Variants in EEFSEC observed in about 807,000 individuals in gnomAD.
EEFSEC encodes the protein eukaryotic elongation factor, selenocysteine-tRNA specific, also known as selenocysteine-specific elongation factor.
Under a neutral mutation model 42.1 loss-of-function variants are expected in EEFSEC, and 43 were observed. The ratio of observed to expected loss-of-function variants is 1.02; its 90% confidence interval spans 0.80 to 1.32. EEFSEC has a LOEUF of 1.32. Ranked by LOEUF, EEFSEC falls within the 40% of genes most tolerant of loss-of-function variation. EEFSEC has a pLI of 0.00. For missense variants in EEFSEC, 745 were observed against 803.6 expected, an observed-to-expected ratio of 0.93 and a Z score of 0.88; for synonymous variants, 354 against 339.1, an observed-to-expected ratio of 1.04 and a Z score of -0.48.
At chr3:128,290,887 G>A (rs2066636855) in intron 4 of EEFSEC, among the ~76,000 whole-genome samples, 1 of 151,932 alleles carries the variant, frequency 6.6e-6, no homozygotes, top group Admixed American at 6.6e-5. Flanking sequence ...CGGGATTACA[G>A]GTGCCCACCA....
chr3:128,250,591 G>A (rs1351440301), intron 2 of EEFSEC, among the ~76,000 whole-genome samples: 1 of 152,072 alleles, frequency 6.6e-6, no homozygotes, highest in Non-Finnish European at 1.5e-5. Flanking sequence ...CTATTCCATT[G>A]GTCTATATGT....
chr3:128,341,256 G>A lies in EEFSEC; in HGVS notation c.810G>A (p.Met270Ile), dbSNP rs767318840. Residue 270 changes from methionine (M) to isoleucine (I), a missense_variant, in exon 5 of 7, where the codon ATG becomes ATA. Physicochemically the swap from Met to Ile is conservative, Grantham distance 10 (BLOSUM62 1). Coordinates refer to ENST00000254730, the MANE Select transcript of EEFSEC (RefSeq NM_021937.5). ...ALKVVKKVKS[M>I]QMFHMPITSA... ...AGGTGGTGAAGAAGGTGAAGTCCATGCAGATGTTCCACATGCCCATCACTT... is the reference window on the plus strand; with the variant it reads ...AGGTGGTGAAGAAGGTGAAGTCCATACAGATGTTCCACATGCCCATCACTT... 21 of 1,611,976 alleles carry A rather than the reference G, an allele frequency of 1.3e-5. No homozygotes were observed. The highest frequency in any genetic ancestry group is 1.8e-5 in the Non-Finnish European group (21 of 1,178,924).
chr3:128,279,795 C>T (rs1371959134), intron 4 of EEFSEC, among the ~76,000 whole-genome samples: 1 of 152,256 alleles, frequency 6.6e-6, no homozygotes, highest in East Asian at 1.9e-4. Context: ...CCCTGACTGG[C>T]TTCCTGGGGG....
At chr3:128,274,590 G>A (rs2066447461) in intron 4 of EEFSEC, among the ~76,000 whole-genome samples, 1 of 152,234 alleles carries the variant, frequency 6.6e-6, no homozygotes, top group Non-Finnish European at 1.5e-5. Flanking sequence ...CACTCCCAGG[G>A]CAGCTGTAGC....
At chr3:128,354,164 C>T (rs965022537) in intron 5 of EEFSEC, among the ~76,000 whole-genome samples, 2 of 152,274 alleles carry the variant, frequency 1.3e-5, no homozygotes, top group African/African-American at 4.8e-5. Context: ...GGTTCCTGAA[C>T]GTGTGCAGAC....
chr3:128,330,550 C>T (rs2067115750), intron 4 of EEFSEC, among the ~76,000 whole-genome samples: 1 of 152,060 alleles, frequency 6.6e-6, no homozygotes. Context: ...GTCGGGGGAC[C>T]CCTGAGGTCT....
chr3:128,227,695 G>A (rs2065922017), intron 1 of EEFSEC, among the ~76,000 whole-genome samples: 1 of 152,210 alleles, frequency 6.6e-6, no homozygotes, highest in Non-Finnish European at 1.5e-5. Context: ...GGGTCCGGGG[G>A]TGAATTGAGC....
chr3:128,399,362 A>C (rs983000605), intron 6 of EEFSEC, among the ~76,000 whole-genome samples: 1 of 152,162 alleles, frequency 6.6e-6, no homozygotes, highest in African/African-American at 2.4e-5. Flanking sequence ...CGCCCAATCA[A>C]AGGGGTGCAT....
chr3:128,247,234 C>A (rs987585257), intron 2 of EEFSEC, among the ~76,000 whole-genome samples, 191 bp downstream of exon 2: 1 of 152,106 alleles, frequency 6.6e-6, no homozygotes, highest in African/African-American at 2.4e-5. Context: ...TTAAAAGAGG[C>A]CAAAAACCAC....
chr3:128,179,374 G>T (rs2065382179), intron 1 of EEFSEC, among the ~76,000 whole-genome samples: 1 of 152,228 alleles, frequency 6.6e-6, no homozygotes, highest in Non-Finnish European at 1.5e-5. Context: ...CCTTAGGTCA[G>T]TTCAGCTAGA....
At chr3:128,414,857 C>G in the EEFSEC span, among the ~76,000 whole-genome samples, 2 of 152,170 alleles carry the variant, frequency 1.3e-5, no homozygotes, top group African/African-American at 4.8e-5. Context: ...GAATGGGGTG[C>G]GAGTGGGGCC....
At position 128,350,987 on chromosome 3, in the gene EEFSEC, C is replaced by T. The variant is rs1446035929; in HGVS notation, c.1444-7230C>T. Reference sequence around the variant, plus strand: ...TCAATCCTGGTGGCTTTCAAGTGGCCTAGAAGAGTTAACACCGCATTTTTA... The same window carrying T: ...TCAATCCTGGTGGCTTTCAAGTGGCTTAGAAGAGTTAACACCGCATTTTTA... On this transcript the variant is annotated intron_variant, in intron 5 of 6. Coordinates refer to ENST00000254730, the MANE Select transcript of EEFSEC (RefSeq NM_021937.5). Among the ~76,000 whole-genome samples the T allele has an allele frequency of 2.0e-5, 3 of 152,176 alleles. No homozygotes were observed. The East Asian group carries it at 5.8e-4, about 29-fold the overall frequency.
intron 2 of EEFSEC, among the ~76,000 whole-genome samples, chr3:128,259,611 C>T (rs893441600): frequency 1.6e-4 from 24 of 152,158 alleles, no homozygotes. Flanking sequence ...ATTTTCATTA[C>T]CCCAACAGGA....
chr3:128,373,640 A>C (rs533393896), intron 6 of EEFSEC, among the ~76,000 whole-genome samples: 1 of 152,312 alleles, frequency 6.6e-6, no homozygotes, highest in Admixed American at 6.5e-5. Context: ...CACCACGTGC[A>C]TGTCCAGGGA....
chr3:128,157,745 C>T (rs1260935359), intron 1 of EEFSEC, among the ~76,000 whole-genome samples: 1 of 152,182 alleles, frequency 6.6e-6, no homozygotes, highest in Non-Finnish European at 1.5e-5. Context: ...TGATAATGCA[C>T]CTGGTCACCT....
At chr3:128,380,927 G>T (rs997616755) in intron 6 of EEFSEC, among the ~76,000 whole-genome samples, 5 of 152,206 alleles carry the variant, frequency 3.3e-5, no homozygotes. Flanking sequence ...CACCGTTCCC[G>T]CCAGGTGATG....
At chr3:128,208,186 A>G (rs559208741) in intron 1 of EEFSEC, among the ~76,000 whole-genome samples, 13 of 152,322 alleles carry the variant, frequency 8.5e-5, no homozygotes, top group African/African-American at 2.9e-4. Context: ...AGTTTCCAGC[A>G]CAGGCTGGTC....
intron 4 of EEFSEC, among the ~76,000 whole-genome samples, chr3:128,296,590 G>A (rs1048458048): frequency 6.6e-5 from 10 of 152,096 alleles, no homozygotes; most frequent in Non-Finnish European, 1.5e-4. Flanking sequence ...CTCGTCATCC[G>A]CACAGGGGTA....
At position 128,405,048 on chromosome 3, in the gene EEFSEC, G is replaced by T. The variant is rs964573359; in HGVS notation, c.1601-3021G>T. ...TTTTTTTTTTTTAAGACTGAGTCTC[G>T]CTCTGTTGCCCAGGCTGGAGTGCAG... On this transcript the variant is annotated intron_variant, in intron 6 of 6. Transcript: ENST00000254730. 2.0e-5 allele frequency among the ~76,000 whole-genome samples: 3 copies of T among 146,654 alleles called. No individual in the cohort carries two copies. The East Asian group carries it at 6.0e-4, about 29-fold the overall frequency.
Sources: gnomAD v4.1 joint callset for allele counts (sites outside exome capture counted in the v4.1 genomes callset) on GRCh38, gnomAD v4.1.1 for gene constraint, MANE v1.5 for transcripts, NCBI Gene and HGNC (gene_info 2026-07-23, HGNC 2026-07-21) for gene names.